The following SDK1 variants were observed in gnomAD, a reference collection of about 807,000 sequenced individuals.
The protein encoded by SDK1 is sidekick cell adhesion molecule 1.
A neutral mutation model predicts 245.5 loss-of-function variants in SDK1; 157 were observed. That is an observed-to-expected ratio of 0.64 (90% CI 0.56 to 0.73). The LOEUF is 0.73. Ranked by LOEUF, SDK1 falls within the 30% of genes least tolerant of loss-of-function variation. The pLI is 0.00. For synonymous variants in SDK1, 1,647 were observed against 1,278.5 expected (o/e 1.29, Z -6.15); for missense variants, 3,583 against 3,002.3 (o/e 1.19, Z -4.52).
intron 1 of SDK1, among the ~76,000 whole-genome samples, chr7:3,405,806 C>CT (rs1481542659): frequency 6.4e-5 from 9 of 140,220 alleles, no homozygotes; most frequent in Non-Finnish European, 1.1e-4. Context: ...CTTTTCTTTT[C>CT]TTTCTTTCTT....
At chr7:3,594,482 A>C (rs1456492614) in intron 1 of SDK1, among the ~76,000 whole-genome samples, 1 of 152,280 alleles carries the variant, frequency 6.6e-6, no homozygotes, top group Admixed American at 6.5e-5. Flanking sequence ...GGATGGAATT[A>C]CTGGGTCGTA....
At chr7:4,122,166 A>T (rs1018020501) in intron 25 of SDK1, among the ~76,000 whole-genome samples, 2 of 152,042 alleles carry the variant, frequency 1.3e-5, no homozygotes, top group Admixed American at 1.3e-4. Context: ...CAGAATGGAG[A>T]TTTCACAGCC....
At chr7:3,875,588 C>T (rs6956672) in intron 5 of SDK1, among the ~76,000 whole-genome samples, 8,984 of 152,234 alleles carry the variant, frequency 0.059, 864 homozygotes, top group African/African-American at 0.2. Context: ...ACTTCAGCTT[C>T]TTCTCCATCT....
chr7:3,352,674 C>T (rs2128558469), intron 1 of SDK1, among the ~76,000 whole-genome samples: 1 of 152,256 alleles, frequency 6.6e-6, no homozygotes, highest in African/African-American at 2.4e-5. Context: ...TGGGGTTTTA[C>T]CATTCCTTCC....
intron 4 of SDK1, among the ~76,000 whole-genome samples, chr7:3,775,435 T>TA (rs894784254): frequency 6.6e-6 from 1 of 152,022 alleles, no homozygotes; most frequent in African/African-American, 2.4e-5. Flanking sequence ...TATTTTATTT[T>TA]TTTTTTTCTA....
At chr7:3,883,412 G>A (rs998397601) in intron 5 of SDK1, among the ~76,000 whole-genome samples, 50 of 152,202 alleles carry the variant, frequency 3.3e-4, no homozygotes, top group Non-Finnish European at 1.3e-4. Context: ...TTATGAGCCT[G>A]TCTGCCGCAC....
At chr7:3,787,221 G>C (rs981632410) in intron 4 of SDK1, among the ~76,000 whole-genome samples, 1 of 149,896 alleles carries the variant, frequency 6.7e-6, no homozygotes, top group East Asian at 2.0e-4. Context: ...GTGGACTATT[G>C]CCGTTAGTCT....
chr7:3,362,794 T>C (rs1780988501), intron 1 of SDK1, among the ~76,000 whole-genome samples: 3 of 152,348 alleles, frequency 2.0e-5, no homozygotes, highest in Admixed American at 1.3e-4. Context: ...TGGAATTATT[T>C]ATACTTTTAT....
At chr7:3,345,120 G>T (rs528655439) in intron 1 of SDK1, among the ~76,000 whole-genome samples, 1 of 152,310 alleles carries the variant, frequency 6.6e-6, no homozygotes, top group African/African-American at 2.4e-5. Context: ...AATGTGGTTT[G>T]ATCACTGCTG....
chr7:4,156,971 G>A (rs1328571750), intron 30 of SDK1, among the ~76,000 whole-genome samples: 8 of 152,184 alleles, frequency 5.3e-5, no homozygotes, highest in African/African-American at 1.7e-4. Flanking sequence ...GAGTTTTCTG[G>A]TCTGGAAACT....
At position 3,842,034 on chromosome 7, in the gene SDK1, G is replaced by A. The variant is rs143555101; in HGVS notation, c.847+20451G>A. 1.5e-4 allele frequency among the ~76,000 whole-genome samples: 23 copies of A among 152,324 alleles called. No individual in the cohort carries two copies. In the East Asian group the frequency reaches 4.3e-3, roughly 28 times the overall value. Reference sequence around the variant, plus strand: ...CCATGGCTGTAGCCTCAGGGGTAAGGGATCCTTTTAACCAGCTGGCAGGAA... The same window carrying A: ...CCATGGCTGTAGCCTCAGGGGTAAGAGATCCTTTTAACCAGCTGGCAGGAA... On this transcript the variant is annotated intron_variant, in intron 5 of 44. Coordinates refer to ENST00000404826, the MANE Select transcript of SDK1 (RefSeq NM_152744.4).
At chr7:3,657,031 G>A (rs553090626) in intron 4 of SDK1, among the ~76,000 whole-genome samples, 1 of 152,292 alleles carries the variant, frequency 6.6e-6, no homozygotes, top group South Asian at 2.1e-4. Flanking sequence ...ACAGGCGTGA[G>A]CCACCGCGCC....
intron 4 of SDK1, among the ~76,000 whole-genome samples, chr7:3,816,295 A>G (rs192688579): frequency 0.014 from 2,050 of 151,654 alleles, 38 homozygotes; most frequent in African/African-American, 0.047. Flanking sequence ...CAAAAACTCA[A>G]TGAATCCAGG....
chr7:3,353,280 C>T (rs944232779), intron 1 of SDK1, among the ~76,000 whole-genome samples: 13 of 152,132 alleles, frequency 8.5e-5, no homozygotes, highest in African/African-American at 3.1e-4. Flanking sequence ...TAGCCACTTA[C>T]AAACTTTGAT....
intron 4 of SDK1, among the ~76,000 whole-genome samples, chr7:3,726,018 A>T (rs1778996904): frequency 6.6e-6 from 1 of 152,238 alleles, no homozygotes; most frequent in South Asian, 2.1e-4. Flanking sequence ...AGGGGAAAAT[A>T]AATTGCTGAT....
At chr7:3,627,023 GCT>G (rs1299447234) in intron 2 of SDK1, among the ~76,000 whole-genome samples, 1 of 152,004 alleles carries the variant, frequency 6.6e-6, no homozygotes, top group Non-Finnish European at 1.5e-5. Flanking sequence ...GACCTCCCGG[GCT>G]CAGTTCATAC....
At chr7:3,452,962 C>G (rs542837319) in intron 1 of SDK1, among the ~76,000 whole-genome samples, 4 of 152,306 alleles carry the variant, frequency 2.6e-5, no homozygotes, top group African/African-American at 9.6e-5. Context: ...CCACCTGATT[C>G]ATCCTTGAGA....
intron 38 of SDK1, 151 bp downstream of exon 38, chr7:4,210,313 GC>G (rs1335547343): frequency 1.1e-6 from 1 of 884,890 alleles, no homozygotes; most frequent in Admixed American, 3.8e-5. Context: ...GCTGGACGGG[GC>G]TGGAGCTGAG....
rs1010212432 is a variant in SDK1, at chr7:4,155,896, C to T, written c.4626-2552C>T. Among the ~76,000 whole-genome samples the T allele has an allele frequency of 3.9e-5, 6 of 152,068 alleles. No homozygotes were observed. The East Asian group carries it at 1.2e-3, about 29-fold the overall frequency. ...CAGATAGTCGTCAAGGAAATGTCAC[C>T]CATCATGATGCAGAAGATGAAGGGA... On this transcript the variant is annotated intron_variant, in intron 30 of 44. Coordinates refer to ENST00000404826, the MANE Select transcript of SDK1 (RefSeq NM_152744.4).
Sources: allele counts gnomAD v4.1 joint callset (sites outside exome capture counted in the v4.1 genomes callset), GRCh38; gene constraint gnomAD v4.1.1; transcripts MANE v1.5; gene names NCBI Gene and HGNC (gene_info 2026-07-23, HGNC 2026-07-21).